The following TENM3 variants were observed in gnomAD, a reference collection of about 807,000 sequenced individuals.
The protein encoded by TENM3 is teneurin transmembrane protein 3, also known as teneurin-3.
In TENM3, 63 loss-of-function variants were observed where a neutral mutation model predicts 255.1. That is an observed-to-expected ratio of 0.25 (90% CI 0.20 to 0.30). The LOEUF is 0.30. TENM3 is among the 10% of genes least tolerant of loss of function. TENM3 has a pLI of 1.00. For synonymous variants in TENM3, 1,306 were observed against 1,322.3 expected, an observed-to-expected ratio of 0.99 and a Z score of 0.27; for missense variants, 2,929 against 3,461.1, an observed-to-expected ratio of 0.85 and a Z score of 3.86.
chr4:182,726,498 C>T (rs1394111628), intron 13 of TENM3, among the ~76,000 whole-genome samples: 1 of 152,154 alleles, frequency 6.6e-6, no homozygotes, highest in Middle Eastern at 3.2e-3. Flanking sequence ...GTCACACAGC[C>T]TCACAGAACA....
At chr4:182,726,867 C>G (rs1015192818) in intron 13 of TENM3, among the ~76,000 whole-genome samples, 5 of 152,054 alleles carry the variant, frequency 3.3e-5, no homozygotes, top group African/African-American at 1.2e-4. Context: ...AGTTTGCTGT[C>G]AGATAATGAA....
chr4:182,674,916 GC>G (rs1350295365), intron 7 of TENM3, among the ~76,000 whole-genome samples: 1 of 148,354 alleles, frequency 6.7e-6, no homozygotes, highest in Non-Finnish European at 1.5e-5. Context: ...TGCTCTTGTT[GC>G]CCAGGCTGGA....
chr4:181,944,386 C>T, the TENM3 span, among the ~76,000 whole-genome samples: 4 of 152,238 alleles, frequency 2.6e-5, no homozygotes, highest in Admixed American at 1.3e-4. Context: ...CTTTTGTGTT[C>T]TATGTTGGCC....
chr4:182,691,605 G>A (rs1164445282), intron 12 of TENM3, among the ~76,000 whole-genome samples: 1 of 152,146 alleles, frequency 6.6e-6, no homozygotes, highest in Non-Finnish European at 1.5e-5. Flanking sequence ...CTCTCATTAT[G>A]AATCATGTGT....
intron 1 of TENM3, among the ~76,000 whole-genome samples, chr4:182,178,319 C>T (rs910194505): frequency 9.9e-5 from 15 of 151,972 alleles, no homozygotes; most frequent in Non-Finnish European, 2.1e-4. Context: ...ATTATGTAGC[C>T]CAGGGATAGA....
At chr4:181,666,804 T>C in the TENM3 span, among the ~76,000 whole-genome samples, 6,528 of 152,216 alleles carry the variant, frequency 0.043, 171 homozygotes, top group Middle Eastern at 0.078. Context: ...CTTACTGTTT[T>C]GCAATACTCT....
the TENM3 span, among the ~76,000 whole-genome samples, chr4:182,025,255 C>G: frequency 6.6e-6 from 1 of 152,102 alleles, no homozygotes; most frequent in East Asian, 1.9e-4. Context: ...GTCTCGATCT[C>G]CTGACCTCGT....
At chr4:182,420,575 T>G (rs576568990) in intron 3 of TENM3, among the ~76,000 whole-genome samples, 15 of 152,384 alleles carry the variant, frequency 9.8e-5, no homozygotes, top group African/African-American at 3.6e-4. Flanking sequence ...ATTTTTCCAC[T>G]GTAATACTTA....
Position 182,793,721 on chromosome 4 carries a change from T to C in TENM3, c.7049T>C (p.Ile2350Thr). 1 of 1,613,992 alleles carries C rather than the reference T, an allele frequency of 6.2e-7. No individual in the cohort carries two copies. Among genetic ancestry groups the C allele is most frequent in the African/African-American group, 1.3e-5 (1 of 75,038 alleles). ...GGLYDPLTKLIHFGERDYDIL... is the reference protein window; with the variant it reads ...GGLYDPLTKLTHFGERDYDIL... Reference sequence around the variant, plus strand: ...CTGTATGACCCACTCACCAAATTAATCCACTTTGGAGAAAGAGATTATGAC... The same window carrying C: ...CTGTATGACCCACTCACCAAATTAACCCACTTTGGAGAAAGAGATTATGAC... The change falls in exon 26 of 28, where the codon ATC becomes ACC. Residue 2350 changes from isoleucine (I) to threonine (T), a missense_variant. Transcript: ENST00000511685. The surrounding 1 kb of genome is among the most constrained non-coding windows in gnomAD (Gnocchi z 5.7).
chr4:182,709,183 A>G (rs1758555538), intron 12 of TENM3, among the ~76,000 whole-genome samples: 2 of 151,802 alleles, frequency 1.3e-5, no homozygotes, highest in African/African-American at 4.8e-5. Context: ...GGGTTTCACC[A>G]TGTTGGCCAG....
the TENM3 span, among the ~76,000 whole-genome samples, chr4:181,891,506 T>C: frequency 6.6e-6 from 1 of 152,144 alleles, no homozygotes; most frequent in African/African-American, 2.4e-5. Context: ...CTTTCTTATT[T>C]TCTCTTTCTT....
intron 3 of TENM3, among the ~76,000 whole-genome samples, chr4:182,483,551 G>A (rs1734405528): frequency 6.6e-6 from 1 of 152,150 alleles, no homozygotes; most frequent in Admixed American, 6.5e-5. Context: ...AACAAAAGGA[G>A]CAATGTGTGA....
chr4:181,638,067 T>C, the TENM3 span, among the ~76,000 whole-genome samples: 1 of 152,234 alleles, frequency 6.6e-6, no homozygotes, highest in Non-Finnish European at 1.5e-5. Flanking sequence ...TTGCCCTTGG[T>C]GACTTTATCC....
At chr4:182,691,897 T>C (rs1275686748) in intron 12 of TENM3, among the ~76,000 whole-genome samples, 1 of 152,230 alleles carries the variant, frequency 6.6e-6, no homozygotes, top group African/African-American at 2.4e-5. Context: ...ATAGCACCGA[T>C]ATAGATGCTC....
the TENM3 span, among the ~76,000 whole-genome samples, chr4:181,493,581 A>G: frequency 6.6e-5 from 10 of 151,740 alleles, no homozygotes; most frequent in Non-Finnish European, 1.5e-4. Context: ...ACAAACAATA[A>G]CAACAAAAAC....
At chr4:182,012,551 G>C in the TENM3 span, 1 of 152,196 alleles carries the variant, frequency 6.6e-6, no homozygotes, top group East Asian at 1.9e-4. Context: ...TTTCACTAAA[G>C]TCTGGAGAAA....
At chr4:182,262,758 G>A (rs1208725091) in intron 1 of TENM3, among the ~76,000 whole-genome samples, 2 of 142,554 alleles carry the variant, frequency 1.4e-5, no homozygotes, top group South Asian at 2.2e-4. Context: ...ATCTCGCCCA[G>A]GCTGGAATGC....
At chr4:181,491,755 A>T in the TENM3 span, among the ~76,000 whole-genome samples, 1 of 152,114 alleles carries the variant, frequency 6.6e-6, no homozygotes, top group Non-Finnish European at 1.5e-5. Flanking sequence ...TATTCTATGT[A>T]TGATTTTGCT....
At chr4:181,543,532 C>G in the TENM3 span, among the ~76,000 whole-genome samples, 6 of 152,168 alleles carry the variant, frequency 3.9e-5, no homozygotes, top group African/African-American at 1.4e-4. Flanking sequence ...TGATGACCAA[C>G]TCTCTCAGCT....
Sources: gnomAD v4.1 joint callset for allele counts (sites outside exome capture counted in the v4.1 genomes callset) on GRCh38, gnomAD v4.1.1 for gene constraint, Gnocchi (gnomAD v3.1) non-coding constraint, MANE v1.5 for transcripts, NCBI Gene and HGNC (gene_info 2026-07-23, HGNC 2026-07-21) for gene names.